The following LRSAM1 variants were observed in gnomAD, a reference collection of about 807,000 sequenced individuals.
LRSAM1 encodes the protein leucine rich repeat and sterile alpha motif containing 1.
LRSAM1 carries 96 observed loss-of-function variants against 118.1 expected under a neutral mutation model. The observed-to-expected ratio is 0.81, with a 90% CI of 0.69 to 0.96. LRSAM1 has a LOEUF of 0.96. Among genes scored for constraint, LRSAM1 ranks in the 40% least tolerant of loss-of-function variants. LRSAM1 has a pLI of 0.00. For synonymous variants in LRSAM1, 322 were observed against 364.2 expected (o/e 0.88, Z 1.32); for missense variants, 804 against 915.5 (o/e 0.88, Z 1.57).
rs139775018 is a variant in LRSAM1 at position 127,468,859 on chromosome 9, C to T, written c.619+1029C>T. On this transcript the variant is annotated intron_variant, in intron 10 of 25. Transcript: ENST00000300417. ...AAAAAATCAGCCAGGCGTGGTGGCA[C>T]GTGCCTGTGTTCCCAGCTACTTGGG... is the stretch of plus-strand genomic sequence containing the variant. Among the ~76,000 whole-genome samples, 12 of 147,606 alleles carry T rather than the reference C, an allele frequency of 8.1e-5. No homozygotes were observed. The South Asian group carries it at 8.6e-4, about 11-fold the overall frequency.
intron 2 of LRSAM1, among the ~76,000 whole-genome samples, chr9:127,452,774 A>G (rs890904580): frequency 6.6e-6 from 1 of 152,170 alleles, no homozygotes; most frequent in East Asian, 1.9e-4. Flanking sequence ...ATTCAAACCC[A>G]GTTCTCTTTT....
At chr9:127,494,912 G>A (rs2798429) in intron 21 of LRSAM1, among the ~76,000 whole-genome samples, 65,042 of 151,888 alleles carry the variant, frequency 0.43, 14,711 homozygotes, top group Non-Finnish European at 0.49. Flanking sequence ...CTGTCCACCC[G>A]CTCAGAGGAG....
intron 12 of LRSAM1, 78 bp from the exon 13 acceptor site, chr9:127,479,305 G>T (rs1564269163): frequency 6.2e-7 from 1 of 1,605,158 alleles, no homozygotes; most frequent in East Asian, 2.2e-5. Flanking sequence ...TCAGTGTTGA[G>T]GGGTGGATTC....
At chr9:127,478,900 C>A in intron 11 of LRSAM1, 34 bp from the exon 12 acceptor site, 1 of 1,613,574 alleles carries the variant, frequency 6.2e-7, no homozygotes, top group Admixed American at 1.7e-5. Context: ...ACTGCTGCCA[C>A]CCTCTCTTGA....
At position 127,501,040 on chromosome 9, in the gene LRSAM1, C is replaced by T; in HGVS notation, c.1943C>T (p.Thr648Ile). The stretch of plus-strand genomic sequence containing the variant: ...AAACCACCAATGGGTGAGGTCGTCA[C>T]CCCTACGGCCCCCCAGGAGCCTCCT... ...ELKPPMGEVV[T>I]PTAPQEPPES... is the part of the protein sequence containing the mutation. The change falls in exon 25 of 26, where the codon ACC becomes ATC. Residue 648 changes from threonine to isoleucine, a missense_variant. By Grantham distance (89) the Thr-to-Ile change is moderately conservative. Transcript: ENST00000300417. 2.5e-6 allele frequency: 4 copies of T among 1,614,012 alleles called. No individual in the cohort carries two copies. The highest frequency in any genetic ancestry group is 2.2e-5 in the South Asian group (2 of 91,082).
intron 11 of LRSAM1, among the ~76,000 whole-genome samples, 160 bp from the exon 12 acceptor site, chr9:127,478,774 A>G (rs986121077): frequency 1.3e-5 from 2 of 152,114 alleles, no homozygotes; most frequent in African/African-American, 4.8e-5. Context: ...CCCTTGATCA[A>G]TACGGATCCC....
intron 16 of LRSAM1, among the ~76,000 whole-genome samples, chr9:127,483,677 G>A (rs903841197): frequency 2.6e-5 from 4 of 151,948 alleles, no homozygotes; most frequent in African/African-American, 9.7e-5. Context: ...TTTTATTTAT[G>A]TTTTGAGACA....
intron 3 of LRSAM1, 31 bp downstream of exon 3, chr9:127,454,630 T>A: frequency 4.4e-6 from 7 of 1,606,774 alleles, no homozygotes; most frequent in Non-Finnish European, 6.0e-6. Flanking sequence ...TCTAACTCTA[T>A]CCCATCTCCT....
chr9:127,463,315 T>G (rs1474085306), intron 9 of LRSAM1, among the ~76,000 whole-genome samples: 2 of 150,598 alleles, frequency 1.3e-5, no homozygotes, highest in East Asian at 3.9e-4. Context: ...GGAAGTGATG[T>G]GGTTGGAAGC....
chr9:127,496,064 T>A lies in LRSAM1; in HGVS notation c.1799T>A (p.Leu600Gln). Residue 600 changes from leucine (L) to glutamine (Q), a missense_variant, in exon 23 of 26, where the codon CTG (leucine) becomes CAG (glutamine). Transcript: ENST00000300417. Reference protein sequence around the residue: ...FAHHRLSLDLLSQMSPGDLAK... With the variant: ...FAHHRLSLDLQSQMSPGDLAK... ...CACCACCGCCTCTCACTGGACCTGCTGAGCCAAATGAGCCCAGGGGACCTG... is the reference window on the plus strand; with the variant it reads ...CACCACCGCCTCTCACTGGACCTGCAGAGCCAAATGAGCCCAGGGGACCTG... The A allele has an allele frequency of 6.2e-7, 1 of 1,611,480 alleles. No individual in the cohort carries two copies. The highest frequency in any genetic ancestry group is 8.5e-7 in the Non-Finnish European group (1 of 1,180,014).
intron 7 of LRSAM1, 67 bp from the exon 8 acceptor site, chr9:127,461,106 G>A (rs1292845482): frequency 8.8e-6 from 11 of 1,254,572 alleles, no homozygotes; most frequent in South Asian, 4.8e-5. Context: ...CACCTGCCTC[G>A]GCCTCCCAAA....
intron 19 of LRSAM1, among the ~76,000 whole-genome samples, chr9:127,490,333 G>A (rs539810444): frequency 9.3e-5 from 14 of 150,388 alleles, no homozygotes; most frequent in Admixed American, 8.0e-4. Context: ...CCACATTGCC[G>A]GACATGAAGC....
At chr9:127,489,270 G>A (rs1365605423) in intron 18 of LRSAM1, among the ~76,000 whole-genome samples, 174 bp from the exon 19 acceptor site, 1 of 152,204 alleles carries the variant, frequency 6.6e-6, no homozygotes, top group African/African-American at 2.4e-5. Flanking sequence ...TGCCCGAAGT[G>A]AGCCCCTAGT....
chr9:127,468,280 T>C (rs1835033264), intron 10 of LRSAM1, among the ~76,000 whole-genome samples: 1 of 151,776 alleles, frequency 6.6e-6, no homozygotes, highest in Admixed American at 6.6e-5. Context: ...TGGGAGAGCA[T>C]GTGATCAGTC....
intron 18 of LRSAM1, 40 bp from the exon 19 acceptor site, chr9:127,489,404 G>C (rs758363472): frequency 1.5e-5 from 23 of 1,581,934 alleles, no homozygotes; most frequent in Non-Finnish European, 2.0e-5. Context: ...GGAAAAGTGT[G>C]GGCACGGCCC....
chr9:127,494,426 C>G (rs1836046536), intron 21 of LRSAM1, among the ~76,000 whole-genome samples: 1 of 152,236 alleles, frequency 6.6e-6, no homozygotes, highest in South Asian at 2.1e-4. Flanking sequence ...TACTCATCAC[C>G]CTGAACCTCA....
chr9:127,487,183 CA>C (rs143561853), intron 17 of LRSAM1, among the ~76,000 whole-genome samples: 52,679 of 105,024 alleles, frequency 0.5, 9,896 homozygotes, highest in Middle Eastern at 0.59. Context: ...GACTCTGTCT[CA>C]AAAAAAAAAA....
At chr9:127,479,999 C>G in intron 14 of LRSAM1, 21 bp downstream of exon 14, 3 of 1,614,194 alleles carry the variant, frequency 1.9e-6, no homozygotes, top group Non-Finnish European at 2.5e-6. Flanking sequence ...GCTCCTCGGC[C>G]CCAGCCCCAG....
intron 10 of LRSAM1, among the ~76,000 whole-genome samples, chr9:127,472,956 C>T (rs916203905): frequency 2.6e-5 from 4 of 152,160 alleles, no homozygotes; most frequent in Admixed American, 2.6e-4. Context: ...CCCTAGGGTG[C>T]CTGGGAAGAG....
Sources: allele counts gnomAD v4.1 joint callset (sites outside exome capture counted in the v4.1 genomes callset), GRCh38; gene constraint gnomAD v4.1.1; transcripts MANE v1.5; gene names NCBI Gene and HGNC (gene_info 2026-07-23, HGNC 2026-07-21).